COL23A1: variants seen among roughly 807,000 people sequenced by gnomAD.
The protein encoded by COL23A1 is collagen alpha-1(XXIII) chain.
A neutral mutation model predicts 99.3 loss-of-function variants in COL23A1; 97 were observed. That is an observed-to-expected ratio of 0.98 (90% CI 0.83 to 1.16). COL23A1 has a LOEUF of 1.16. Ranked by LOEUF, COL23A1 falls within the 50% of genes most tolerant of loss-of-function variation. The pLI is 0.00. For missense variants in COL23A1, 762 were observed against 757.4 expected (o/e 1.01, Z -0.07); for synonymous variants, 320 against 308.2 (o/e 1.04, Z -0.40).
chr5:178,436,372 G>A (rs956087925), intron 2 of COL23A1, among the ~76,000 whole-genome samples: 3 of 152,016 alleles, frequency 2.0e-5, no homozygotes, highest in African/African-American at 4.8e-5. Flanking sequence ...TGGCGAGCAC[G>A]GGGAGAGGGC....
At position 178,255,851 on chromosome 5, in the gene COL23A1, T is replaced by C; in HGVS notation, c.882+502A>G. On this transcript the variant is annotated intron_variant, in intron 15 of 28. Coordinates refer to ENST00000390654, the MANE Select transcript of COL23A1 (RefSeq NM_173465.4). The surrounding 1 kb of genome is among the most constrained non-coding windows in gnomAD (Gnocchi z 4.2). The stretch of plus-strand genomic sequence containing the variant: ...AGGAAGAAGCCAGCCTCTGGGAGCA[T>C]GAGGAGACAGAGCCGAGGCCAGGAT... 2.4e-6 allele frequency: 1 copy of C among 410,782 alleles called. No individual in the cohort carries two copies. Among genetic ancestry groups the C allele is most frequent in the Non-Finnish European group, 5.0e-6 (1 of 200,264 alleles). 25.4% of individuals were successfully genotyped at this position (410,782 alleles called of 1,614,324 possible).
intron 2 of COL23A1, among the ~76,000 whole-genome samples, chr5:178,523,172 AT>A (rs1760065026): frequency 1.0e-5 from 1 of 95,784 alleles, no homozygotes; most frequent in African/African-American, 3.7e-5. Context: ...ACATATATAT[AT>A]ATATACACAT....
chr5:178,401,751 C>T (rs1009704478), intron 2 of COL23A1, among the ~76,000 whole-genome samples: 1 of 152,232 alleles, frequency 6.6e-6, no homozygotes, highest in African/African-American at 2.4e-5. Flanking sequence ...TGACATCCCC[C>T]TAGCAGTATA....
intron 2 of COL23A1, among the ~76,000 whole-genome samples, chr5:178,381,054 A>G (rs763056627): frequency 3.3e-5 from 5 of 152,206 alleles, no homozygotes; most frequent in Non-Finnish European, 4.4e-5. Context: ...CACCTGGAAA[A>G]TCAAGGGGCC....
intron 25 of COL23A1, among the ~76,000 whole-genome samples, chr5:178,244,680 T>C (rs915541773): frequency 5.9e-5 from 9 of 152,372 alleles, no homozygotes; most frequent in South Asian, 2.1e-4. Flanking sequence ...CTGAGTTGTG[T>C]TGACACAGTT....
intron 2 of COL23A1, among the ~76,000 whole-genome samples, chr5:178,372,505 T>TG (rs958320960): frequency 3.9e-4 from 60 of 152,230 alleles, no homozygotes; most frequent in Admixed American, 1.4e-3. Context: ...AACGAAATCC[T>TG]GGGGGGCGGG....
chr5:178,418,178 T>C (rs549379101), intron 2 of COL23A1, among the ~76,000 whole-genome samples: 28 of 152,346 alleles, frequency 1.8e-4, no homozygotes, highest in African/African-American at 6.3e-4. Context: ...ATGTGTAAAA[T>C]GTGATAATGA....
In COL23A1 at chr5:178,238,650, T is replaced by A; in HGVS notation, c.*48A>T. ...TATTACTGTTTTGTTTTTACAAAAATTAAAAATGTCCACACGGATCTGTAC... is the reference window on the plus strand; with the variant it reads ...TATTACTGTTTTGTTTTTACAAAAAATAAAAATGTCCACACGGATCTGTAC... On this transcript the variant is annotated 3_prime_UTR_variant, in exon 29 of 29. Transcript: ENST00000390654. 5 of 1,609,730 alleles carry A rather than the reference T, an allele frequency of 3.1e-6. No homozygotes were observed. The highest frequency in any genetic ancestry group is 1.3e-5 in the African/African-American group (1 of 74,896).
intron 2 of COL23A1, among the ~76,000 whole-genome samples, chr5:178,435,082 G>A (rs1766484457): frequency 6.6e-6 from 1 of 152,204 alleles, no homozygotes; most frequent in Non-Finnish European, 1.5e-5. Flanking sequence ...TCTATTCCTG[G>A]CTCCTGGAGA....
chr5:178,391,364 C>G (rs1051111078), intron 2 of COL23A1, among the ~76,000 whole-genome samples: 25 of 152,184 alleles, frequency 1.6e-4, no homozygotes, highest in Admixed American at 7.2e-4. Flanking sequence ...GGACCTGTAA[C>G]TATAATACGT....
chr5:178,436,613 G>A lies in COL23A1; in HGVS notation c.361+124069C>T, dbSNP rs575571746. On this transcript the variant is annotated intron_variant, in intron 2 of 28. Coordinates refer to ENST00000390654, the MANE Select transcript of COL23A1 (RefSeq NM_173465.4). ...GAACAAGAGCTCCAGAATGCTGAGC[G>A]AGGTGCTGCTTCCCTGTGGCATCCC... Among the ~76,000 whole-genome samples the A allele has an allele frequency of 2.0e-5, 3 of 152,334 alleles. No homozygotes were observed. The South Asian group carries it at 6.2e-4, about 32-fold the overall frequency.
At chr5:178,326,088 A>AT (rs888703198) in intron 2 of COL23A1, among the ~76,000 whole-genome samples, 2 of 151,884 alleles carry the variant, frequency 1.3e-5, no homozygotes, top group Non-Finnish European at 1.5e-5. Context: ...AGACAGGCCC[A>AT]TTTTTTTTCC....
At position 178,287,127 on chromosome 5, in the gene COL23A1, C is replaced by G. The variant is rs115008996; in HGVS notation, c.441+1197G>C. On this transcript the variant is annotated intron_variant, in intron 5 of 28. Coordinates refer to ENST00000390654, the MANE Select transcript of COL23A1 (RefSeq NM_173465.4). ...GGCTGCCGTGTGCAGGAGACGGGAGCCTGACCCTTGCCTAATCAGAAGAGC... is the reference window on the plus strand; with the variant it reads ...GGCTGCCGTGTGCAGGAGACGGGAGGCTGACCCTTGCCTAATCAGAAGAGC... Among the ~76,000 whole-genome samples the G allele has an allele frequency of 3.8e-3, 580 of 152,350 alleles. 8 individuals are homozygous for G. Among genetic ancestry groups the G allele is most frequent in the African/African-American group, 0.013 (548 of 41,578 alleles).
chr5:178,270,210 A>G (rs1756206512), intron 6 of COL23A1, 127 bp downstream of exon 6: 1 of 1,112,146 alleles, frequency 9.0e-7, no homozygotes, highest in East Asian at 2.5e-5. Flanking sequence ...TCTGACACCC[A>G]AAAGGCTTCT....
In COL23A1 at chr5:178,566,053, G is replaced by A. The variant is rs141296767; in HGVS notation, c.295-5305C>T. Among the ~76,000 whole-genome samples, 345 of 152,134 alleles carry A rather than the reference G, an allele frequency of 2.3e-3. 1 individual carries two copies. The highest frequency in any genetic ancestry group is 8.0e-3 in the African/African-American group (330 of 41,466). On this transcript the variant is annotated intron_variant, in intron 1 of 28. Coordinates refer to ENST00000390654, the MANE Select transcript of COL23A1 (RefSeq NM_173465.4). ...TGAGGCAGGAGAATCACTTGAACCC[G>A]GAAGGCAGAGGTTGCAGTGAGTGAG...
chr5:178,296,564 T>C (rs1757756447), intron 3 of COL23A1, among the ~76,000 whole-genome samples: 1 of 151,968 alleles, frequency 6.6e-6, no homozygotes, highest in African/African-American at 2.4e-5. Flanking sequence ...GCCACGCCGT[T>C]TTTTTTTCCT....
intron 2 of COL23A1, among the ~76,000 whole-genome samples, chr5:178,408,696 TGTAATCC>T: frequency 6.6e-6 from 1 of 152,014 alleles, no homozygotes. Context: ...GGCTCACGAC[TGTAATCC>T]CAGCACTTTG....
At chr5:178,274,388 C>T (rs1036845372) in intron 5 of COL23A1, among the ~76,000 whole-genome samples, 3 of 152,176 alleles carry the variant, frequency 2.0e-5, no homozygotes, top group African/African-American at 7.2e-5. Flanking sequence ...CTGAATGGAG[C>T]CAAGGAATGC....
chr5:178,414,954 G>A (rs923794215), intron 2 of COL23A1, among the ~76,000 whole-genome samples: 1 of 152,126 alleles, frequency 6.6e-6, no homozygotes, highest in East Asian at 1.9e-4. Context: ...GAGGTAACAA[G>A]GGGGTATGAA....
Sources: gnomAD v4.1 joint callset for allele counts (sites outside exome capture counted in the v4.1 genomes callset) on GRCh38, gnomAD v4.1.1 for gene constraint, Gnocchi (gnomAD v3.1) non-coding constraint, MANE v1.5 for transcripts, NCBI Gene and HGNC (gene_info 2026-07-23, HGNC 2026-07-21) for gene names.